Variants in EPHA1 observed in about 807,000 individuals in gnomAD.
EPHA1 encodes the protein ephrin type-A receptor 1.
A neutral mutation model predicts 110.1 loss-of-function variants in EPHA1; 92 were observed. That is an observed-to-expected ratio of 0.84 (90% CI 0.71 to 0.99). The LOEUF is 0.99. EPHA1 is among the 50% of genes least tolerant of loss of function. EPHA1 has a pLI of 0.00. For missense variants in EPHA1, 1,204 were observed against 1,285.4 expected, an observed-to-expected ratio of 0.94 and a Z score of 0.97; for synonymous variants, 500 against 516.1, an observed-to-expected ratio of 0.97 and a Z score of 0.42.
chr7:143,400,004 G>A lies in EPHA1; in HGVS notation c.482C>T (p.Ser161Phe). 1 of 1,613,776 alleles carries A rather than the reference G, an allele frequency of 6.2e-7. No homozygotes were observed. Among genetic ancestry groups the A allele is most frequent in the Non-Finnish European group, 8.5e-7 (1 of 1,179,846 alleles). ...CTCCACATTCAGCTTCACGGAGCCA[G>A]ACACAAGGTCTCGAATGGTGAAGCT... ...DQSFTIRDLV[S>F]GSVKLNVERC... Residue 161 changes from serine (S) to phenylalanine (F), a missense_variant, in exon 4 of 18, where the codon TCT (serine) becomes TTT (phenylalanine). Ser to Phe is a radical substitution (Grantham distance 155). Coordinates refer to ENST00000275815, the MANE Select transcript of EPHA1 (RefSeq NM_005232.5).
intron 14 of EPHA1, 41 bp downstream of exon 14, chr7:143,394,767 G>A: frequency 6.2e-7 from 1 of 1,608,236 alleles, no homozygotes; most frequent in Non-Finnish European, 8.5e-7. Flanking sequence ...GCATGTTACG[G>A]GGCAATGTGA....
Position 143,401,116 on chromosome 7 carries a change from C to A in EPHA1, c.432+208G>T, listed in dbSNP as rs1805401755. ...CTATGTTGCCCAGGCTGGTCTCAAG[C>A]TCCTGGCCTCAAGTGATCTTCCCAC... On this transcript the variant is annotated intron_variant, in intron 3 of 17. Coordinates refer to ENST00000275815, the MANE Select transcript of EPHA1 (RefSeq NM_005232.5). This position sits in a 1 kb window ranked among gnomAD's most constrained non-coding sequence, Gnocchi z 4.1. The A allele has an allele frequency of 7.7e-6, 5 of 650,786 alleles. No individual in the cohort carries two copies. The highest frequency in any genetic ancestry group is 1.3e-5 in the Non-Finnish European group (5 of 387,068). The allele number at this position is 650,786 out of a possible 1,614,324, so 40.3% of individuals were successfully genotyped here.
chr7:143,399,923 G>C lies in EPHA1; in HGVS notation c.563C>G (p.Pro188Arg). The C allele has an allele frequency of 6.2e-7, 1 of 1,613,444 alleles. No individual in the cohort carries two copies. Residue 188 changes from proline (P) to arginine (R), a missense_variant, in exon 4 of 18, where the codon CCG (proline) becomes CGG (arginine). Physicochemically the swap from Pro to Arg is moderately radical, Grantham distance 103. Coordinates refer to ENST00000275815, the MANE Select transcript of EPHA1 (RefSeq NM_005232.5). ...AGACACCAGGGCCACACAGGCACCC[G>C]GGTTGTGGAAAGCGAGGTAGAGGCC... ...RRGLYLAFHNPGACVALVSVR... is the reference protein window; with the variant it reads ...RRGLYLAFHNRGACVALVSVR...
At chr7:143,406,503 G>A (rs1284129943) in intron 2 of EPHA1, among the ~76,000 whole-genome samples, 1 of 152,214 alleles carries the variant, frequency 6.6e-6, no homozygotes, top group African/African-American at 2.4e-5. Flanking sequence ...CCTGAGTTCT[G>A]TGAGCCATCC....
In EPHA1 at chr7:143,391,631, C is replaced by G; in HGVS notation, c.2841G>C (p.Glu947Asp). 6.8e-6 allele frequency: 11 copies of G among 1,614,164 alleles called. No homozygotes were observed. The highest frequency in any genetic ancestry group is 9.3e-6 in the Non-Finnish European group (11 of 1,180,026). The stretch of plus-strand genomic sequence containing the variant: ...CTCCAGCTCCTTACTCAGCGGTCAG[C>G]TCCAGCACACACTCCATGGTGTCCA... ...AGLDTMECVL[E>D]LTAEDLTQMG... Residue 947 changes from glutamate to aspartate, a missense_variant, in exon 17 of 18, where the codon GAG becomes GAC. Coordinates refer to ENST00000275815, the MANE Select transcript of EPHA1 (RefSeq NM_005232.5).
In EPHA1 at chr7:143,397,663, G is replaced by A. The variant is rs759805828; in HGVS notation, c.1616-6C>T. ...TCCAGTCAGGCCCCTGGACACTGTA[G>A]GCACAAAGGGATGAGGAAGTGTTGG... On this transcript the variant is annotated splice_region_variant and splice_polypyrimidine_tract_variant and intron_variant, in intron 8 of 17. Coordinates refer to ENST00000275815, the MANE Select transcript of EPHA1 (RefSeq NM_005232.5). 3.1e-6 allele frequency: 5 copies of A among 1,614,112 alleles called. No homozygotes were observed. The highest frequency in any genetic ancestry group is 4.2e-6 in the Non-Finnish European group (5 of 1,179,966).
At chr7:143,404,459 C>T (rs1239970294) in intron 2 of EPHA1, among the ~76,000 whole-genome samples, 5 of 152,034 alleles carry the variant, frequency 3.3e-5, no homozygotes, top group African/African-American at 4.8e-5. Context: ...CCTCAGGATC[C>T]GCCCGCCTCG....
intron 2 of EPHA1, among the ~76,000 whole-genome samples, chr7:143,406,805 T>G (rs1805563424): frequency 6.6e-6 from 1 of 152,218 alleles, no homozygotes; most frequent in Non-Finnish European, 1.5e-5. Context: ...TGATTTGTGT[T>G]GAGAGTGCAG....
In EPHA1 at chr7:143,396,736, G is replaced by A. The variant is rs566041774; in HGVS notation, c.1772-226C>T. The A allele has an allele frequency of 6.7e-3, 3,247 of 487,926 alleles. 34 individuals are homozygous for A. The highest frequency in any genetic ancestry group is 9.0e-3 in the Non-Finnish European group (2,459 of 274,190). The allele number at this position is 487,926 out of a possible 1,614,324, so 30.2% of individuals were successfully genotyped here. ...GTCCTCACTCCACAAGGTCCGGGGCGGTGGCCAGGATCCACACCCGCAGAG... is the reference window on the plus strand; with the variant it reads ...GTCCTCACTCCACAAGGTCCGGGGCAGTGGCCAGGATCCACACCCGCAGAG... On this transcript the variant is annotated intron_variant, in intron 10 of 17. Coordinates refer to ENST00000275815, the MANE Select transcript of EPHA1 (RefSeq NM_005232.5).
In EPHA1 at chr7:143,394,241, C is replaced by T. The variant is rs780109666; in HGVS notation, c.2455G>A (p.Val819Met). The T allele has an allele frequency of 6.2e-7, 1 of 1,614,044 alleles. No homozygotes were observed. Among genetic ancestry groups the T allele is most frequent in the South Asian group, 1.1e-5 (1 of 91,076 alleles). The change falls in exon 15 of 18, where the codon GTG becomes ATG. Residue 819 changes from valine to methionine, a missense_variant. By Grantham distance (21) the Val-to-Met change is conservative. Transcript: ENST00000275815. ...TAAGGCTTGTCCCCAAAGCTCAGCA[C>T]CTCCCACATCACAATCCCAAAGCTC... is the stretch of plus-strand genomic sequence containing the variant. Reference protein sequence around the residue: ...VWSFGIVMWEVLSFGDKPYGE... With the variant: ...VWSFGIVMWEMLSFGDKPYGE...
Position 143,391,704 on chromosome 7 carries a change from TCG to T in EPHA1, c.2766_2767del (p.Glu923ValfsTer28), listed in dbSNP as rs751764283. ...GATGTAGCGTTTCATGCGTATGGACTCGAGCCACTCAGAGACGGTTCGATATG... is the reference window on the plus strand; with the variant it reads ...GATGTAGCGTTTCATGCGTATGGACTAGCCACTCAGAGACGGTTCGATATG... On this transcript the variant is annotated frameshift_variant, in exon 17 of 18. Transcript: ENST00000275815. LOFTEE classifies it high-confidence loss of function. 2 of 1,613,750 alleles carry T rather than the reference TCG, an allele frequency of 1.2e-6. No homozygotes were observed. Among genetic ancestry groups the T allele is most frequent in the Non-Finnish European group, 1.7e-6 (2 of 1,180,026 alleles).
intron 10 of EPHA1, 143 bp from the exon 11 acceptor site, chr7:143,396,653 A>G: frequency 2.0e-6 from 2 of 993,706 alleles, no homozygotes; most frequent in East Asian, 5.3e-5. Context: ...GAGGTGGGAG[A>G]AAGTCTCCAT....
rs867506760 is a variant in EPHA1 at position 143,407,485 on chromosome 7, C to T, written c.150+126G>A. ...AGGAGGCTCTGACTCAGCCTCCTCTCCCCCTCCCTGAGGAGACACTTCCAG... is the reference window on the plus strand; with the variant it reads ...AGGAGGCTCTGACTCAGCCTCCTCTTCCCCTCCCTGAGGAGACACTTCCAG... On this transcript the variant is annotated intron_variant, in intron 2 of 17. Transcript: ENST00000275815. 16 of 875,870 alleles carry T rather than the reference C, an allele frequency of 1.8e-5. No individual in the cohort carries two copies. In the South Asian group the frequency reaches 2.6e-4, roughly 14 times the overall value. The allele number at this position is 875,870 out of a possible 1,614,324, so 54.3% of individuals were successfully genotyped here. A position where few individuals can be genotyped will look rare whatever the true frequency, so the allele number is the denominator to read the frequency against.
In EPHA1 at chr7:143,393,758, C is replaced by T. The variant is rs146374704; in HGVS notation, c.2609G>A (p.Arg870Gln). 8.7e-5 allele frequency: 140 copies of T among 1,613,216 alleles called. 3 individuals are homozygous for T. The South Asian group carries it at 1.1e-3, about 13-fold the overall frequency. ...KNCWAYDRAR[R>Q]PHFQKLQAHL... ...TGCCTGAAGCTTCTGGAAGTGTGGC[C>T]GGCGGGCACGGTCATATGCCCAGCA... Residue 870 changes from arginine to glutamine, a missense_variant, in exon 16 of 18, where the codon CGG becomes CAG. Coordinates refer to ENST00000275815, the MANE Select transcript of EPHA1 (RefSeq NM_005232.5). The surrounding 1 kb of genome is among the most constrained non-coding windows in gnomAD (Gnocchi z 5.6).
Position 143,394,334 on chromosome 7 carries a change from T to A in EPHA1, c.2362A>T (p.Ile788Phe). 1 of 1,613,866 alleles carries A rather than the reference T, an allele frequency of 6.2e-7. No individual in the cohort carries two copies. The highest frequency in any genetic ancestry group is 8.5e-7 in the Non-Finnish European group (1 of 1,179,840). ...DGTYETQGGKIPIRWTAPEAI... is the reference protein window; with the variant it reads ...DGTYETQGGKFPIRWTAPEAI... ...TCAGGGGCTGTCCAACGGATAGGGA[T>A]CTTTCCTCCCTAAGAAGGCACATGG... is the stretch of plus-strand genomic sequence containing the variant. The change falls in exon 15 of 18, where the codon ATC becomes TTC. Residue 788 changes from isoleucine to phenylalanine, a missense_variant. Coordinates refer to ENST00000275815, the MANE Select transcript of EPHA1 (RefSeq NM_005232.5).
chr7:143,395,143 C>T lies in EPHA1; in HGVS notation c.2123G>A (p.Gly708Glu). ...IMIITEFMEN[G>E]ALDAFLRERE... The stretch of plus-strand genomic sequence containing the variant: ...CACCCTCAGGAAGGCATCCAGGGCT[C>T]CATTCTCCATAAATTCTGTGATGAT... Residue 708 changes from glycine (G) to glutamate (E), a missense_variant, in exon 13 of 18, where the codon GGA becomes GAA. Transcript: ENST00000275815. The surrounding 1 kb of genome is among the most constrained non-coding windows in gnomAD (Gnocchi z 4.7). 1 of 1,614,030 alleles carries T rather than the reference C, an allele frequency of 6.2e-7. No individual in the cohort carries two copies. Among genetic ancestry groups the T allele is most frequent in the Non-Finnish European group, 8.5e-7 (1 of 1,180,036 alleles).
rs750319862 is a variant in EPHA1, at chr7:143,396,378, G to A, written c.1897+7C>T. The A allele has an allele frequency of 3.7e-6, 6 of 1,610,558 alleles. No individual in the cohort carries two copies. Among genetic ancestry groups the A allele is most frequent in the South Asian group, 1.1e-5 (1 of 90,714 alleles). ...GGGGGCCTGCTGCGGTGCACAGCAG[G>A]ACTCACCTTCTCCTATGACAGTGTC... On this transcript the variant is annotated splice_region_variant and intron_variant, in intron 11 of 17. Coordinates refer to ENST00000275815, the MANE Select transcript of EPHA1 (RefSeq NM_005232.5).
At chr7:143,392,563 C>G (rs569399300) in intron 16 of EPHA1, among the ~76,000 whole-genome samples, 3 of 151,560 alleles carry the variant, frequency 2.0e-5, no homozygotes, top group South Asian at 2.1e-4. Flanking sequence ...CCCACCCCCC[C>G]ATCAGTTCAT....
intron 1 of EPHA1, 68 bp downstream of exon 1, chr7:143,408,656 G>C (rs1805625839): frequency 7.7e-6 from 3 of 390,986 alleles, no homozygotes; most frequent in Non-Finnish European, 1.3e-5. Flanking sequence ...TTCTGCAGGG[G>C]GGTGCTGGCC....
Sources: gnomAD v4.1 joint callset for allele counts (sites outside exome capture counted in the v4.1 genomes callset) on GRCh38, gnomAD v4.1.1 for gene constraint, Gnocchi (gnomAD v3.1) non-coding constraint, MANE v1.5 for transcripts, NCBI Gene and HGNC (gene_info 2026-07-23, HGNC 2026-07-21) for gene names.